The following ABI3BP variants were observed in gnomAD, a reference collection of about 807,000 sequenced individuals.
ABI3BP encodes the protein target of Nesh-SH3.
In ABI3BP, 216 loss-of-function variants were observed where a neutral mutation model predicts 268.6. The observed-to-expected ratio is 0.80, with a 90% CI of 0.72 to 0.90. The LOEUF (loss-of-function observed/expected upper bound fraction) is 0.90. Among genes scored for constraint, ABI3BP ranks in the 40% least tolerant of loss-of-function variants. The pLI is 0.00. For missense variants in ABI3BP, 2,090 were observed against 2,182.4 expected, an observed-to-expected ratio of 0.96 and a Z score of 0.84; for synonymous variants, 730 against 730.0, an observed-to-expected ratio of 1.00 and a Z score of 0.00.
intron 56 of ABI3BP, among the ~76,000 whole-genome samples, chr3:100,788,025 A>G (rs1051692328): frequency 6.6e-6 from 1 of 152,210 alleles, no homozygotes; most frequent in Non-Finnish European, 1.5e-5. Flanking sequence ...CTGGGCTTCA[A>G]TACTTGACTT....
intron 66 of ABI3BP, among the ~76,000 whole-genome samples, chr3:100,752,351 T>C (rs1251980554): frequency 6.6e-6 from 1 of 152,184 alleles, no homozygotes; most frequent in Non-Finnish European, 1.5e-5. Flanking sequence ...TCATTAAAAA[T>C]TTTTACTCTG....
At chr3:100,894,452 G>A (rs2046206538) in intron 4 of ABI3BP, among the ~76,000 whole-genome samples, 2 of 152,092 alleles carry the variant, frequency 1.3e-5, no homozygotes, top group African/African-American at 4.8e-5. Context: ...AAGTAACGGT[G>A]GGCAAGATAC....
chr3:100,811,862 C>T, intron 46 of ABI3BP, 63 bp from the exon 47 acceptor site: 3 of 1,140,494 alleles, frequency 2.6e-6, no homozygotes, highest in Non-Finnish European at 3.8e-6. Flanking sequence ...GTAATAGAAC[C>T]CTGCATTTAA....
chr3:100,991,505 G>A (rs980511985), intron 1 of ABI3BP, among the ~76,000 whole-genome samples: 2 of 152,084 alleles, frequency 1.3e-5, no homozygotes, highest in African/African-American at 4.8e-5. Context: ...ACAAGTTATT[G>A]ACAGGAATCA....
chr3:100,832,043 A>G (rs2098503320), intron 31 of ABI3BP, among the ~76,000 whole-genome samples: 1 of 152,152 alleles, frequency 6.6e-6, no homozygotes, highest in African/African-American at 2.4e-5. Flanking sequence ...TTAAGACAGG[A>G]ATGAAATAAA....
Position 100,829,534 on chromosome 3 carries a change from A to T in ABI3BP, c.2542+47T>A, listed in dbSNP as rs755488845. 2.0e-6 allele frequency: 3 copies of T among 1,483,510 alleles called. No homozygotes were observed. The South Asian group carries it at 3.6e-5, about 18-fold the overall frequency. 91.9% of individuals were successfully genotyped at this position (1,483,510 alleles called of 1,614,324 possible). On this transcript the variant is annotated intron_variant, in intron 33 of 67. Coordinates refer to ENST00000471714, the MANE Select transcript of ABI3BP (RefSeq NM_001375547.2). ...AGCTACTTCATTCTCTTTGGGTCCC[A>T]CTGGGGTGGGCTGTTAGGATTCCTC...
chr3:100,916,307 G>A (rs1438038926), intron 2 of ABI3BP, among the ~76,000 whole-genome samples: 3 of 152,206 alleles, frequency 2.0e-5, no homozygotes, highest in Non-Finnish European at 2.9e-5. Context: ...AGTCAAAGCC[G>A]TCAAATCAGC....
chr3:100,765,458 T>C (rs2096230212), intron 63 of ABI3BP, among the ~76,000 whole-genome samples: 2 of 152,246 alleles, frequency 1.3e-5, no homozygotes, highest in African/African-American at 4.8e-5. Context: ...CACAAGACTT[T>C]CCTTTTCTTG....
chr3:100,830,685 T>C, intron 31 of ABI3BP, 51 bp from the exon 32 acceptor site: 1 of 1,419,020 alleles, frequency 7.0e-7, no homozygotes, highest in Non-Finnish European at 9.5e-7. Flanking sequence ...ATGCATGAAA[T>C]GTTGGAACAT....
At chr3:100,808,825 T>A (rs2097777549) in intron 49 of ABI3BP, among the ~76,000 whole-genome samples, 1 of 151,932 alleles carries the variant, frequency 6.6e-6, no homozygotes, top group South Asian at 2.1e-4. Flanking sequence ...ACAATCAGTG[T>A]AAAAACCAAT....
intron 29 of ABI3BP, 136 bp from the exon 30 acceptor site, chr3:100,833,293 G>T: frequency 2.7e-6 from 2 of 739,012 alleles, no homozygotes; most frequent in Non-Finnish European, 4.3e-6. Flanking sequence ...ACATTTTGAA[G>T]TTCTCAAGTG....
chr3:100,772,023 G>A (rs1023661874), intron 61 of ABI3BP, among the ~76,000 whole-genome samples: 20 of 152,234 alleles, frequency 1.3e-4, no homozygotes, highest in African/African-American at 4.1e-4. Flanking sequence ...AAAAAGACAT[G>A]TTGTATACAG....
chr3:100,854,443 T>C (rs1008531329), intron 14 of ABI3BP, among the ~76,000 whole-genome samples: 7 of 152,314 alleles, frequency 4.6e-5, no homozygotes, highest in Admixed American at 3.3e-4. Context: ...TCAACAGCTC[T>C]TGATTTCTTT....
rs751612459 is a variant in ABI3BP, at chr3:100,804,853, G to A, written c.3696C>T (p.Pro1232=). Reference sequence around the variant, plus strand: ...TTTTTGGTTTTGCAGTAACACGCTGGGGCACCTTAGGAACTGAAAGAGAGA... The same window carrying A: ...TTTTTGGTTTTGCAGTAACACGCTGAGGCACCTTAGGAACTGAAAGAGAGA... ...IPQTQPVPKV[P]QRVTAKPKTS... is the part of the protein sequence containing the mutation. Residue 1232 remains proline, a synonymous_variant, in exon 51 of 68, where the codon CCC becomes CCT. Transcript: ENST00000471714. 6.2e-7 allele frequency: 1 copy of A among 1,612,854 alleles called. No homozygotes were observed. Among genetic ancestry groups the A allele is most frequent in the African/African-American group, 1.3e-5 (1 of 74,978 alleles).
intron 2 of ABI3BP, chr3:100,914,370 C>A: frequency 2.3e-6 from 1 of 436,314 alleles, no homozygotes; most frequent in Non-Finnish European, 4.6e-6. Flanking sequence ...CTTTAAGATG[C>A]AGTCTGCGGA....
chr3:100,857,346 A>T (rs2153099771), intron 14 of ABI3BP, among the ~76,000 whole-genome samples: 1 of 152,332 alleles, frequency 6.6e-6, no homozygotes, highest in South Asian at 2.1e-4. Flanking sequence ...TATATTGTGC[A>T]TTATATTAAG....
At chr3:100,879,012 ATTT>A (rs34995809) in intron 6 of ABI3BP, among the ~76,000 whole-genome samples, 1 of 152,114 alleles carries the variant, frequency 6.6e-6, no homozygotes, top group African/African-American at 2.4e-5. Flanking sequence ...CTTACCTGTC[ATTT>A]TTTTGTGGCA....
At chr3:100,883,581 A>G (rs1295757872) in intron 6 of ABI3BP, among the ~76,000 whole-genome samples, 7 of 152,214 alleles carry the variant, frequency 4.6e-5, no homozygotes, top group African/African-American at 1.4e-4. Flanking sequence ...AATTAAGATA[A>G]CAATTATAAG....
intron 1 of ABI3BP, among the ~76,000 whole-genome samples, chr3:100,939,604 C>T (rs992413476): frequency 3.9e-5 from 6 of 152,018 alleles, no homozygotes; most frequent in African/African-American, 1.2e-4. Context: ...GGGTCACAGA[C>T]ATCAAGTACT....
Sources: allele counts gnomAD v4.1 joint callset (sites outside exome capture counted in the v4.1 genomes callset), GRCh38; gene constraint gnomAD v4.1.1; transcripts MANE v1.5; gene names NCBI Gene and HGNC (gene_info 2026-07-23, HGNC 2026-07-21).